The following EXOSC8 variants were observed in gnomAD, a reference collection of about 807,000 sequenced individuals.
EXOSC8 encodes exosome component 8, also known as exosome complex component RRP43.
EXOSC8 carries 37 observed loss-of-function variants against 39.9 expected under a neutral mutation model. That is an observed-to-expected ratio of 0.93 (90% confidence interval 0.71 to 1.22). EXOSC8 has a LOEUF of 1.22. Among genes scored for constraint, EXOSC8 ranks in the 50% most tolerant of loss-of-function variants. The probability of loss-of-function intolerance (pLI) is 0.00; values close to 1 mark genes in which losing one functional copy is unlikely to be tolerated. For synonymous variants in EXOSC8, 93 were observed against 109.5 expected, an observed-to-expected ratio of 0.85 and a Z score of 0.94; for missense variants, 313 against 326.6, an observed-to-expected ratio of 0.96 and a Z score of 0.32.
Position 37,004,534 on chromosome 13 carries a change from A to G in EXOSC8, c.211A>G (p.Thr71Ala), listed in dbSNP as rs149303311. The G allele has an allele frequency of 1.7e-5, 27 of 1,608,848 alleles. No individual in the cohort carries two copies. In the African/African-American group the frequency reaches 2.7e-4, roughly 16 times the overall value. Reference sequence around the variant, plus strand: ...ACTATAGGAATTTGCAGCACCATCAACAGATGCCCCTGATAAAGGATACGT... The same window carrying G: ...ACTATAGGAATTTGCAGCACCATCAGCAGATGCCCCTGATAAAGGATACGT... ...GVKAEFAAPS[T>A]DAPDKGYVVP... is the part of the protein sequence containing the mutation. Residue 71 changes from threonine (T) to alanine (A), a missense_variant, in exon 5 of 11, where the codon ACA becomes GCA. Physicochemically the swap from Thr to Ala is moderately conservative, Grantham distance 58 (BLOSUM62 0). Coordinates refer to ENST00000389704, the MANE Select transcript of EXOSC8 (RefSeq NM_181503.3).
At chr13:37,003,710 C>T in intron 4 of EXOSC8, 1 of 152,232 alleles carries the variant, frequency 6.6e-6, no homozygotes, top group East Asian at 1.9e-4. Flanking sequence ...ACAGGTCTAT[C>T]TCATTTGGCC....
rs778870949 is a variant in EXOSC8, at chr13:37,008,118, GAA to G, written c.552_553del (p.Ser185LeufsTer5). On this transcript the variant is annotated frameshift_variant, in exon 9 of 11. Transcript: ENST00000389704. LOFTEE classifies it high-confidence loss of function. ...CTTTAGCAGAAGTTAATTTAAAGAA[GAA>G]AAGTTATTTGAATATTAGAACTCAT... ...TALAEVNLKK[K>X]SYLNIRTHPV... The G allele has an allele frequency of 5.0e-6, 8 of 1,598,468 alleles. No individual in the cohort carries two copies. Among genetic ancestry groups the G allele is most frequent in the South Asian group, 1.1e-5 (1 of 88,392 alleles).
chr13:37,000,834 CG>C lies in EXOSC8; in HGVS notation c.17+15del. ...GCGGCTGGGTTCAAGTGAGTGTTGG[CG>C]GGTGGCGGGTAGAGTTCTGTACCCT... On this transcript the variant is annotated intron_variant, in intron 1 of 10. Coordinates refer to ENST00000389704, the MANE Select transcript of EXOSC8 (RefSeq NM_181503.3). The C allele has an allele frequency of 6.4e-7, 1 of 1,563,448 alleles. No individual in the cohort carries two copies. The highest frequency in any genetic ancestry group is 8.7e-7 in the Non-Finnish European group (1 of 1,154,560).
rs778178780 is a variant in EXOSC8, at chr13:37,007,927, GT to G, written c.488-129del. The G allele has an allele frequency of 4.5e-4, 301 of 670,900 alleles. 1 individual carries two copies. Among genetic ancestry groups the G allele is most frequent in the Non-Finnish European group, 6.6e-4 (256 of 389,618 alleles). 41.6% of individuals were successfully genotyped at this position (670,900 alleles called of 1,614,324 possible). ...ATCCTCTATATTTACCTTAGTGGCT[GT>G]AAGGTGCTTTTTAAAAAGAAATGTT... On this transcript the variant is annotated intron_variant, in intron 8 of 10. Coordinates refer to ENST00000389704, the MANE Select transcript of EXOSC8 (RefSeq NM_181503.3).
In EXOSC8 at chr13:37,008,061, G is replaced by C; in HGVS notation, c.492G>C (p.Gln164His). The part of the protein sequence containing the change: ...FALLAALKNV[Q>H]LPEVTINEET... ...TACAAATTTGCCTTTTCTTAGTACA[G>C]TTGCCTGAAGTTACTATAAATGAAG... Residue 164 changes from glutamine (Q) to histidine (H), a missense_variant, in exon 9 of 11, where the codon CAG (glutamine) becomes CAC (histidine). Transcript: ENST00000389704. The C allele has an allele frequency of 6.3e-7, 1 of 1,589,956 alleles. No individual in the cohort carries two copies. Among genetic ancestry groups the C allele is most frequent in the South Asian group, 1.1e-5 (1 of 87,960 alleles).
intron 1 of EXOSC8, 98 bp downstream of exon 1, chr13:37,000,920 G>A (rs1289636210): frequency 1.5e-5 from 21 of 1,361,360 alleles, no homozygotes; most frequent in Non-Finnish European, 1.8e-5. Context: ...GGCCGACCCC[G>A]TTGGGGTGCC....
chr13:37,007,985 T>TA (rs775751222), intron 8 of EXOSC8, 72 bp from the exon 9 acceptor site: 26,102 of 927,348 alleles, frequency 0.028, 1 homozygote, highest in Non-Finnish European at 0.032. Context: ...AAAGGTGAAT[T>TA]AAAAAAAAAA....
intron 8 of EXOSC8, among the ~76,000 whole-genome samples, chr13:37,007,694 G>T (rs1177665127): frequency 6.6e-6 from 1 of 152,140 alleles, no homozygotes; most frequent in African/African-American, 2.4e-5. Flanking sequence ...ACTCTGTGCT[G>T]AAGTTTCCTT....
chr13:37,008,882 A>C, intron 10 of EXOSC8, 47 bp downstream of exon 10: 4 of 1,225,220 alleles, frequency 3.3e-6, no homozygotes, highest in Non-Finnish European at 4.8e-6. Context: ...ATGAAAACTC[A>C]GTGTGAGCCT....
intron 1 of EXOSC8, 59 bp downstream of exon 1, chr13:37,000,881 A>G (rs2059095312): frequency 6.9e-7 from 1 of 1,446,662 alleles, no homozygotes; most frequent in East Asian, 2.8e-5. Context: ...AGCTTCCTTT[A>G]ACTCTTAGCT....
chr13:37,003,068 G>GT lies in EXOSC8; in HGVS notation c.192+62dup, dbSNP rs2059117115. On this transcript the variant is annotated intron_variant, in intron 4 of 10. Coordinates refer to ENST00000389704, the MANE Select transcript of EXOSC8 (RefSeq NM_181503.3). ...CAAAGTTAGCTTTATTTATTAGATT[G>GT]TAATATACACCTGTAATTCTACTCT... The GT allele has an allele frequency of 6.2e-6, 6 of 969,496 alleles. No individual in the cohort carries two copies. In the South Asian group the frequency reaches 8.0e-5, roughly 13 times the overall value. 60.1% of individuals were successfully genotyped at this position (969,496 alleles called of 1,614,324 possible).
chr13:37,009,175 AT>A lies in EXOSC8; in HGVS notation c.716-4del. On this transcript the variant is annotated splice_polypyrimidine_tract_variant and splice_region_variant and intron_variant, in intron 10 of 10. Transcript: ENST00000389704. ...TGAGATTAAAAGTATTGGCAAAATA[AT>A]TTTTCAGGTGGAAGTGGGCTAACTG... is the stretch of plus-strand genomic sequence containing the variant. 2 of 1,564,974 alleles carry A rather than the reference AT, an allele frequency of 1.3e-6. No individual in the cohort carries two copies. Among genetic ancestry groups the A allele is most frequent in the Non-Finnish European group, 1.7e-6 (2 of 1,143,368 alleles).
Position 37,007,105 on chromosome 13 carries a change from C to CT in EXOSC8, c.487+35dup, listed in dbSNP as rs758928941. The CT allele has an allele frequency of 2.3e-6, 3 of 1,283,478 alleles. No individual in the cohort carries two copies. In the South Asian group the frequency reaches 3.6e-5, roughly 15 times the overall value. The allele number at this position is 1,283,478 out of a possible 1,614,324, so 79.5% of individuals were successfully genotyped here. A position where few individuals can be genotyped will look rare whatever the true frequency, so the allele number is the denominator to read the frequency against. On this transcript the variant is annotated intron_variant, in intron 8 of 10. Coordinates refer to ENST00000389704, the MANE Select transcript of EXOSC8 (RefSeq NM_181503.3). ...CCTTACAAAAAAGGCAATATTCCCA[C>CT]TCATGGGTTAGAATGTTGTTTTGTG...
chr13:37,002,585 T>G, intron 3 of EXOSC8, 34 bp downstream of exon 3: 1 of 1,409,350 alleles, frequency 7.1e-7, no homozygotes, highest in Non-Finnish European at 9.8e-7. Flanking sequence ...AACTGTATGA[T>G]ATTCCCAAGT....
rs191624225 is a variant in EXOSC8, at chr13:37,007,125, T to G, written c.487+54T>G. On this transcript the variant is annotated intron_variant, in intron 8 of 10. Transcript: ENST00000389704. Reference sequence around the variant, plus strand: ...TCCCACTCATGGGTTAGAATGTTGTTTTGTGAAACTTTTAATGTACATTTG... The same window carrying G: ...TCCCACTCATGGGTTAGAATGTTGTGTTGTGAAACTTTTAATGTACATTTG... The G allele has an allele frequency of 4.6e-6, 5 of 1,098,650 alleles. No individual in the cohort carries two copies. In the Admixed American group the frequency reaches 8.6e-5, roughly 19 times the overall value. 68.1% of individuals were successfully genotyped at this position (1,098,650 alleles called of 1,614,324 possible).
At chr13:37,002,412 T>A in intron 2 of EXOSC8, 76 bp from the exon 3 acceptor site, 1 of 1,341,112 alleles carries the variant, frequency 7.5e-7, no homozygotes, top group Non-Finnish European at 1.1e-6. Flanking sequence ...ACATTTAATG[T>A]GTGTGTAAAA....
At chr13:37,004,441 A>G (rs1343123180) in intron 4 of EXOSC8, 75 bp from the exon 5 acceptor site, 43 of 1,036,818 alleles carry the variant, frequency 4.1e-5, no homozygotes, top group Middle Eastern at 2.0e-4. Flanking sequence ...AGAGCCTTCC[A>G]TAACTGATTG....
At position 37,002,323 on chromosome 13, in the gene EXOSC8, A is replaced by G; in HGVS notation, c.54+14A>G. 6.3e-7 allele frequency: 1 copy of G among 1,598,858 alleles called. No individual in the cohort carries two copies. ...AGGAGATTTCTGGTGAGTAAAGGTT[A>G]TGTACATGTTATGCGTTTTGATAAC... On this transcript the variant is annotated intron_variant, in intron 2 of 10. Coordinates refer to ENST00000389704, the MANE Select transcript of EXOSC8 (RefSeq NM_181503.3).
intron 8 of EXOSC8, among the ~76,000 whole-genome samples, chr13:37,007,475 C>T (rs1271415167): frequency 6.6e-6 from 1 of 152,136 alleles, no homozygotes; most frequent in African/African-American, 2.4e-5. Flanking sequence ...AGCAAGGAGT[C>T]TAGGTTGACT....
Sources: gnomAD v4.1 joint callset for allele counts (sites outside exome capture counted in the v4.1 genomes callset) on GRCh38, gnomAD v4.1.1 for gene constraint, MANE v1.5 for transcripts, NCBI Gene and HGNC (gene_info 2026-07-23, HGNC 2026-07-21) for gene names.